Variants in DIXDC1 observed in about 807,000 individuals in gnomAD.
The protein encoded by DIXDC1 is DIX domain containing 1, also known as dixin.
A neutral mutation model predicts 103.1 loss-of-function variants in DIXDC1; 64 were observed. The ratio of observed to expected loss-of-function variants is 0.62; its 90% CI spans 0.51 to 0.76. The LOEUF (loss-of-function observed/expected upper bound fraction) is 0.76, where lower values mean the gene tolerates loss of function less well. Ranked by LOEUF, DIXDC1 falls within the 30% of genes least tolerant of loss-of-function variation. The probability of loss-of-function intolerance (pLI) is 0.00; values close to 1 mark genes in which losing one functional copy is unlikely to be tolerated. For missense variants in DIXDC1, 759 were observed against 834.2 expected (o/e 0.91, Z 1.11); for synonymous variants, 266 against 298.5 (o/e 0.89, Z 1.12).
At chr11:111,980,596 T>A (rs1860263417) in intron 5 of DIXDC1, 141 bp from the exon 6 acceptor site, 4 of 575,628 alleles carry the variant, frequency 6.9e-6, no homozygotes. Context: ...TATTTTATTT[T>A]CTGTGGGCCA....
At chr11:112,016,665 T>C (rs782058704) in intron 17 of DIXDC1, 26 bp from the exon 18 acceptor site, 3 of 1,553,542 alleles carry the variant, frequency 1.9e-6, no homozygotes, top group Admixed American at 2.1e-5. Flanking sequence ...ATGAATGTTC[T>C]AACCACAGTC....
rs1016470892 is a variant in DIXDC1, at chr11:111,983,241, G to A, written c.918+754G>A. 1.5e-4 allele frequency among the ~76,000 whole-genome samples: 23 copies of A among 152,334 alleles called. No individual in the cohort carries two copies. The South Asian group carries it at 3.5e-3, about 23-fold the overall frequency. ...TGAATTGTCAAATATTTATGGACAC[G>A]TAAACAAAGCCCACATTATGTGTGT... On this transcript the variant is annotated intron_variant, in intron 7 of 19. Transcript: ENST00000440460.
At chr11:111,969,342 G>A (rs1859837116) in intron 3 of DIXDC1, among the ~76,000 whole-genome samples, 1 of 152,070 alleles carries the variant, frequency 6.6e-6, no homozygotes, top group South Asian at 2.1e-4. Flanking sequence ...CAAAAATGAA[G>A]AGTTTATGTT....
At chr11:111,954,705 G>A (rs187975862) in intron 1 of DIXDC1, among the ~76,000 whole-genome samples, 1 of 152,270 alleles carries the variant, frequency 6.6e-6, no homozygotes, top group East Asian at 1.9e-4. Flanking sequence ...CACCAGGTAT[G>A]AGTTAGCAGT....
chr11:111,984,388 A>C (rs1433661297), intron 7 of DIXDC1, among the ~76,000 whole-genome samples: 1 of 152,152 alleles, frequency 6.6e-6, no homozygotes, highest in Non-Finnish European at 1.5e-5. Flanking sequence ...CTTTACTAAA[A>C]ATACAAAAAT....
chr11:111,933,136 G>GT (rs1161595360), upstream of DIXDC1, among the ~76,000 whole-genome samples: 834 of 151,192 alleles, frequency 5.5e-3, 3 homozygotes, highest in African/African-American at 0.019. Context: ...TTTTCTTTTG[G>GT]TTTTTTTTTG....
intron 12 of DIXDC1, among the ~76,000 whole-genome samples, 178 bp downstream of exon 12, chr11:111,993,182 A>G (rs1312160805): frequency 6.6e-6 from 1 of 152,144 alleles, no homozygotes; most frequent in African/African-American, 2.4e-5. Flanking sequence ...TGAAGAATAG[A>G]TGGCACAGCT....
rs1034530725 is a variant in DIXDC1, at chr11:112,020,688, T to C, written c.*1652T>C. 1 of 152,364 alleles carries C rather than the reference T, an allele frequency of 6.6e-6. No individual in the cohort carries two copies. The highest frequency in any genetic ancestry group is 3.4e-3 in the Middle Eastern group (1 of 294). 9.4% of individuals were successfully genotyped at this position (152,364 alleles called of 1,614,324 possible). A position where few individuals can be genotyped will look rare whatever the true frequency, so the allele number is the denominator to read the frequency against. On this transcript the variant is annotated 3_prime_UTR_variant, in exon 20 of 20. Transcript: ENST00000440460. ...TATATTAATGACAACTAATTCCTGTTCCAATTCTACCTGTTTTAGTTGTGA... is the reference window on the plus strand; with the variant it reads ...TATATTAATGACAACTAATTCCTGTCCCAATTCTACCTGTTTTAGTTGTGA...
chr11:111,978,117 G>A (rs1555172887), intron 5 of DIXDC1, among the ~76,000 whole-genome samples: 1 of 152,112 alleles, frequency 6.6e-6, no homozygotes, highest in East Asian at 1.9e-4. Context: ...TTTGCTGCAG[G>A]ATTGCTTGTC....
At position 111,977,712 on chromosome 11, in the gene DIXDC1, T is replaced by C; in HGVS notation, c.656+2729T>C. 1 of 1,548,734 alleles carries C rather than the reference T, an allele frequency of 6.5e-7. No homozygotes were observed. The highest frequency in any genetic ancestry group is 8.7e-7 in the Non-Finnish European group (1 of 1,145,746). On this transcript the variant is annotated intron_variant, in intron 5 of 19. Transcript: ENST00000440460. The surrounding 1 kb of genome is among the most constrained non-coding windows in gnomAD (Gnocchi z 6.1). The stretch of plus-strand genomic sequence containing the variant: ...CCTGAATTTGGGAGCGATGTGACTC[T>C]CAGCCTCCCACTTCACCCGGGGACG...
intron 10 of DIXDC1, among the ~76,000 whole-genome samples, chr11:111,989,399 C>T (rs1860615429): frequency 6.6e-6 from 1 of 151,950 alleles, no homozygotes; most frequent in African/African-American, 2.4e-5. Flanking sequence ...CCGAGGCAGG[C>T]GGATCACGAG....
At chr11:111,971,836 G>A (rs587645388) in intron 3 of DIXDC1, among the ~76,000 whole-genome samples, 2 of 152,136 alleles carry the variant, frequency 1.3e-5, no homozygotes, top group Non-Finnish European at 2.9e-5. Context: ...TGCAGCTGGA[G>A]ACCATTATCC....
intron 2 of DIXDC1, among the ~76,000 whole-genome samples, chr11:111,931,993 A>G (rs587753201): frequency 6.6e-6 from 1 of 150,936 alleles, no homozygotes; most frequent in African/African-American, 2.4e-5. Flanking sequence ...TAGTCTTAAT[A>G]TAATACTCAC....
At position 111,964,935 on chromosome 11, in the gene DIXDC1, G is replaced by A. The variant is rs587736386; in HGVS notation, c.190+257G>A. On this transcript the variant is annotated intron_variant, in intron 2 of 19. Transcript: ENST00000440460. Reference sequence around the variant, plus strand: ...CTCTCAAGAGTCTACCAAACTAGTTGGAAAGGCTGGAAAGTGAAGTCAATT... The same window carrying A: ...CTCTCAAGAGTCTACCAAACTAGTTAGAAAGGCTGGAAAGTGAAGTCAATT... Among the ~76,000 whole-genome samples, 4 of 152,238 alleles carry A rather than the reference G, an allele frequency of 2.6e-5. No individual in the cohort carries two copies. In the East Asian group the frequency reaches 7.7e-4, roughly 29 times the overall value.
chr11:111,937,078 TGTGA>T (rs1406163340), upstream of DIXDC1: 5 of 285,614 alleles, frequency 1.8e-5, no homozygotes, highest in Middle Eastern at 1.8e-3. Context: ...CTAAAAGCCG[TGTGA>T]GTGTGTGTGT....
chr11:111,964,755 G>T, intron 2 of DIXDC1, 77 bp downstream of exon 2: 4 of 1,461,784 alleles, frequency 2.7e-6, no homozygotes, highest in Non-Finnish European at 3.6e-6. Context: ...ATGCCCTTTA[G>T]AGCAGGTTAT....
chr11:111,970,565 G>C (rs1405665189), intron 3 of DIXDC1, among the ~76,000 whole-genome samples: 1 of 151,674 alleles, frequency 6.6e-6, no homozygotes, highest in Non-Finnish European at 1.5e-5. Context: ...AGGAGGCTGA[G>C]ACAGGAGAAT....
At chr11:111,933,794 A>G (rs1966113190), upstream of DIXDC1, among the ~76,000 whole-genome samples, 2 of 149,540 alleles carry the variant, frequency 1.3e-5, no homozygotes, top group African/African-American at 4.9e-5. Flanking sequence ...CTGTTTCTTT[A>G]TAGTCATGAA....
In DIXDC1 at chr11:111,980,814, T is replaced by G. The variant is rs782671817; in HGVS notation, c.734T>G (p.Val245Gly). Residue 245 changes from valine (V) to glycine (G), a missense_variant, in exon 6 of 20, where the codon GTG becomes GGG. Val to Gly is a moderately radical substitution (Grantham distance 109). Around this residue, in one of 3 missense-constraint regions of DIXDC1, gnomAD observed 657 missense variants for 727.5 expected, o/e 0.90. Coordinates refer to ENST00000440460, the MANE Select transcript of DIXDC1 (RefSeq NM_001037954.4). ...ITQSEEKADF[V>G]IIPAEGIENR... ...CAGTCAGAAGAGAAGGCAGATTTTGTGATTATTCCCGCTGAAGGAATAGAG... is the reference window on the plus strand; with the variant it reads ...CAGTCAGAAGAGAAGGCAGATTTTGGGATTATTCCCGCTGAAGGAATAGAG... 1 of 1,613,988 alleles carries G rather than the reference T, an allele frequency of 6.2e-7. No homozygotes were observed.
Sources: gnomAD v4.1 joint callset for allele counts (sites outside exome capture counted in the v4.1 genomes callset) on GRCh38, gnomAD v4.1.1 for gene constraint, gnomAD v4.1.1 regional missense constraint, Gnocchi (gnomAD v3.1) non-coding constraint, MANE v1.5 for transcripts, NCBI Gene and HGNC (gene_info 2026-07-23, HGNC 2026-07-21) for gene names.